Variants in COL28A1 observed in about 807,000 individuals in gnomAD.
The protein encoded by COL28A1 is collagen type XXVIII alpha 1 chain.
Under a neutral mutation model 150.2 loss-of-function variants are expected in COL28A1, and 161 were observed. The observed-to-expected ratio is 1.07, with a 90% CI of 0.94 to 1.22. The LOEUF is 1.22. Ranked by LOEUF, COL28A1 falls within the 50% of genes most tolerant of loss-of-function variation. COL28A1 has a pLI of 0.00. For synonymous variants in COL28A1, 552 were observed against 469.7 expected (o/e 1.18, Z -2.26); for missense variants, 1,617 against 1,388.3 (o/e 1.16, Z -2.62).
At chr7:7,539,032 C>T (rs148930946), upstream of COL28A1, among the ~76,000 whole-genome samples, 4 of 152,014 alleles carry the variant, frequency 2.6e-5, no homozygotes, top group African/African-American at 9.7e-5. Flanking sequence ...ATTTCTAACA[C>T]CTGCCCCAAA....
intron 15 of COL28A1, among the ~76,000 whole-genome samples, chr7:7,458,107 A>G (rs375393834): frequency 5.8e-4 from 89 of 152,350 alleles, no homozygotes; most frequent in African/African-American, 2.0e-3. Context: ...CTAAATAAAT[A>G]TGTTTTTATG....
chr7:7,399,836 T>G (rs1783068154), intron 27 of COL28A1, among the ~76,000 whole-genome samples: 1 of 152,144 alleles, frequency 6.6e-6, no homozygotes, highest in East Asian at 1.9e-4. Flanking sequence ...AACCGCAAGT[T>G]AGAAAAATAC....
intron 23 of COL28A1, among the ~76,000 whole-genome samples, chr7:7,433,839 A>G (rs771625469): frequency 4.6e-5 from 7 of 152,116 alleles, no homozygotes; most frequent in Non-Finnish European, 1.0e-4. Flanking sequence ...TTTTCTTTAT[A>G]TTGGGAGGAA....
chr7:7,478,816 A>C (rs970732867), intron 13 of COL28A1, among the ~76,000 whole-genome samples: 1 of 152,226 alleles, frequency 6.6e-6, no homozygotes, highest in African/African-American at 2.4e-5. Context: ...CCGGGGCGGC[A>C]GGGCCAGTCG....
At chr7:7,541,382 A>G in the COL28A1 span, among the ~76,000 whole-genome samples, 1 of 152,176 alleles carries the variant, frequency 6.6e-6, no homozygotes, top group Non-Finnish European at 1.5e-5. Flanking sequence ...GAAATAAAGT[A>G]CCTATTATCA....
intron 1 of COL28A1, among the ~76,000 whole-genome samples, chr7:7,533,440 C>T (rs923754882): frequency 4.6e-5 from 7 of 152,108 alleles, no homozygotes; most frequent in African/African-American, 7.2e-5. Flanking sequence ...AAAAATTAAA[C>T]GACCCTTCTG....
intron 3 of COL28A1, among the ~76,000 whole-genome samples, chr7:7,527,345 T>C (rs1782082756): frequency 6.6e-6 from 1 of 152,156 alleles, no homozygotes; most frequent in Non-Finnish European, 1.5e-5. Flanking sequence ...CTTCTTGGAA[T>C]AGGTGGGTTT....
intron 15 of COL28A1, among the ~76,000 whole-genome samples, chr7:7,471,124 T>TAAAAAAAAAAAAAAAAAA (rs1169532495): frequency 1.3e-5 from 1 of 76,020 alleles, no homozygotes; most frequent in East Asian, 3.5e-4. Context: ...AAAAAAATAA[T>TAAAAAAAAAAAAAAAAAA]TAAAAAAAAA....
At chr7:7,458,434 A>G (rs1419276889) in intron 15 of COL28A1, among the ~76,000 whole-genome samples, 2 of 152,062 alleles carry the variant, frequency 1.3e-5, no homozygotes, top group Non-Finnish European at 2.9e-5. Flanking sequence ...AAACAAAACA[A>G]AAAACAAACA....
Position 7,428,706 on chromosome 7 carries a change from G to C in COL28A1, c.1998+3767C>G, listed in dbSNP as rs1784775654. On this transcript the variant is annotated intron_variant, in intron 25 of 34. Coordinates refer to ENST00000399429, the MANE Select transcript of COL28A1 (RefSeq NM_001037763.3). ...ATTGGATCCAGGAGTGAGGACACTG[G>C]ATGAGCACTTCCCACTTAGCAAGAA... Among the ~76,000 whole-genome samples, 3 of 152,332 alleles carry C rather than the reference G, an allele frequency of 2.0e-5. No homozygotes were observed. In the South Asian group the frequency reaches 6.2e-4, roughly 32 times the overall value.
intron 15 of COL28A1, among the ~76,000 whole-genome samples, chr7:7,471,143 A>AAAAAAAG (rs1788392162): frequency 6.8e-6 from 1 of 148,046 alleles, no homozygotes; most frequent in African/African-American, 2.5e-5. Context: ...AAAAAAAAAA[A>AAAAAAAG]AGAAAAGATA....
intron 18 of COL28A1, among the ~76,000 whole-genome samples, chr7:7,447,960 G>A (rs907548847): frequency 1.1e-4 from 16 of 152,090 alleles, no homozygotes; most frequent in Non-Finnish European, 2.1e-4. Context: ...CCAGCTACAT[G>A]GGAAGCTAAG....
At position 7,384,393 on chromosome 7, in the gene COL28A1, C is replaced by T. The variant is rs147265657; in HGVS notation, c.2137-2781G>A. On this transcript the variant is annotated intron_variant, in intron 27 of 34. Transcript: ENST00000399429. The stretch of plus-strand genomic sequence containing the variant: ...AAAGTCAGAATAGAATACAGTAGTC[C>T]CCCTTTATCTGTACTTTCATTTCCC... Among the ~76,000 whole-genome samples the T allele has an allele frequency of 9.0e-4, 137 of 152,210 alleles. 1 individual carries two copies. The highest frequency in any genetic ancestry group is 3.4e-3 in the Middle Eastern group (1 of 294).
chr7:7,498,883 CT>C (rs138778888), intron 11 of COL28A1, among the ~76,000 whole-genome samples: 3,360 of 151,754 alleles, frequency 0.022, 150 homozygotes, highest in African/African-American at 0.077. Context: ...TCCATCAGAG[CT>C]TTTACCTGAC....
intron 6 of COL28A1, among the ~76,000 whole-genome samples, chr7:7,518,776 A>G (rs1281093125): frequency 2.0e-5 from 3 of 152,230 alleles, no homozygotes; most frequent in Non-Finnish European, 2.9e-5. Flanking sequence ...TGAACTAGAA[A>G]ACCACTTCCA....
At chr7:7,350,901 T>C in the COL28A1 span, among the ~76,000 whole-genome samples, 1 of 152,014 alleles carries the variant, frequency 6.6e-6, no homozygotes. Flanking sequence ...GAGTGTGAAG[T>C]TTAAGGGCAA....
chr7:7,396,439 G>C (rs1435871939), intron 27 of COL28A1, among the ~76,000 whole-genome samples: 3 of 152,164 alleles, frequency 2.0e-5, no homozygotes, highest in African/African-American at 7.2e-5. Context: ...TACTATCTTG[G>C]TGTAGAGCAG....
At chr7:7,372,872 C>A (rs1781307721) in intron 32 of COL28A1, 126 bp downstream of exon 32, 1 of 702,946 alleles carries the variant, frequency 1.4e-6, no homozygotes, top group Non-Finnish European at 2.4e-6. Flanking sequence ...TTACGTGTTA[C>A]CATTTAATGT....
chr7:7,453,393 A>G, intron 17 of COL28A1, 47 bp downstream of exon 17: 1 of 880,298 alleles, frequency 1.1e-6, no homozygotes, highest in Non-Finnish European at 2.0e-6. Context: ...AGAAAACAGC[A>G]ATTATACTAT....
Sources: gnomAD v4.1 joint callset for allele counts (sites outside exome capture counted in the v4.1 genomes callset) on GRCh38, gnomAD v4.1.1 for gene constraint, MANE v1.5 for transcripts, NCBI Gene and HGNC (gene_info 2026-07-23, HGNC 2026-07-21) for gene names.